Variants in DCP1A observed in about 807,000 individuals in gnomAD.
The protein encoded by DCP1A is mRNA-decapping enzyme 1A.
DCP1A carries 20 observed loss-of-function variants against 58.0 expected under a neutral mutation model. That is an observed-to-expected ratio of 0.34 (90% confidence interval 0.24 to 0.50). The LOEUF (loss-of-function observed/expected upper bound fraction) is 0.50, where lower values mean the gene tolerates loss of function less well. Ranked by LOEUF, DCP1A falls within the 20% of genes least tolerant of loss-of-function variation. DCP1A has a pLI of 0.98. For missense variants in DCP1A, 613 were observed against 712.2 expected (o/e 0.86, Z 1.59); for synonymous variants, 285 against 275.1 (o/e 1.04, Z -0.36).
At chr3:53,303,503 C>T (rs935383624) in intron 6 of DCP1A, among the ~76,000 whole-genome samples, 26 of 152,042 alleles carry the variant, frequency 1.7e-4, no homozygotes, top group African/African-American at 5.1e-4. Flanking sequence ...TGGGCTCAAG[C>T]GATCTGCCTG....
chr3:53,312,287 A>T lies in DCP1A; in HGVS notation c.464T>A (p.Ile155Asn), dbSNP rs1707668033. ...QANGCSDHRPIDILEMLSRAK... is the reference protein window; with the variant it reads ...QANGCSDHRPNDILEMLSRAK... ...TCTGCTCAGCATCTCCAGGATGTCG[A>T]TGGGCCTGTGGTCGCTGCAGCCATT... The change falls in exon 5 of 10, where the codon ATC becomes AAC. Residue 155 changes from isoleucine to asparagine, a missense_variant. Around this residue, in one of 3 missense-constraint regions of DCP1A, gnomAD observed 498 missense variants for 556.7 expected, o/e 0.89. Transcript: ENST00000610213. The T allele has an allele frequency of 6.2e-7, 1 of 1,612,996 alleles. No homozygotes were observed. Among genetic ancestry groups the T allele is most frequent in the Non-Finnish European group, 8.5e-7 (1 of 1,179,630 alleles).
At position 53,287,342 on chromosome 3, in the gene DCP1A, CTTTTTTTTTTTTT is replaced by C. The variant is rs35716152; in HGVS notation, c.*225_*237del. On this transcript the variant is annotated 3_prime_UTR_variant, in exon 10 of 10. Transcript: ENST00000610213. ...CATAACTTAACACAATGATCGCTCT[CTTTTTTTTTTTTT>C]TTTTTTTTTTTTTTGTCAAAACAAG... The C allele has an allele frequency of 4.3e-4, 72 of 166,778 alleles. 1 individual carries two copies. Among genetic ancestry groups the C allele is most frequent in the African/African-American group, 1.7e-3 (40 of 22,926 alleles). The allele number at this position is 166,778 out of a possible 1,614,324, so 10.3% of individuals were successfully genotyped here.
At position 53,312,703 on chromosome 3, in the gene DCP1A, C is replaced by A. The variant is rs558030534; in HGVS notation, c.372-324G>T. Among the ~76,000 whole-genome samples the A allele has an allele frequency of 1.1e-4, 16 of 152,098 alleles. No homozygotes were observed. The South Asian group carries it at 3.3e-3, about 32-fold the overall frequency. ...TAGAGATGGGGTTTCACCGTGTTAG[C>A]CAGGATGGTCTCAATCTCCTGACCT... On this transcript the variant is annotated intron_variant, in intron 4 of 9. Coordinates refer to ENST00000610213, the MANE Select transcript of DCP1A (RefSeq NM_018403.7).
intron 4 of DCP1A, among the ~76,000 whole-genome samples, chr3:53,319,190 A>G (rs2106849917): frequency 6.6e-6 from 1 of 152,300 alleles, no homozygotes; most frequent in South Asian, 2.1e-4. Context: ...ATACACAAAG[A>G]AGGAAGACTG....
rs553751413 is a variant in DCP1A, at chr3:53,341,865, C to T, written c.304+279G>A. On this transcript the variant is annotated intron_variant, in intron 3 of 9. Transcript: ENST00000610213. ...TTTTTTTCTGTATTTTTAGTAGATACGGGGTTTCACCATGTTGGCCTGGCT... is the reference window on the plus strand; with the variant it reads ...TTTTTTTCTGTATTTTTAGTAGATATGGGGTTTCACCATGTTGGCCTGGCT... 2.0e-3 allele frequency among the ~76,000 whole-genome samples: 302 copies of T among 152,120 alleles called. 2 individuals carry two copies. Among genetic ancestry groups the T allele is most frequent in the South Asian group, 5.0e-3 (24 of 4,816 alleles).
chr3:53,306,931 C>CT (rs1159787111), intron 5 of DCP1A, among the ~76,000 whole-genome samples: 2,944 of 101,634 alleles, frequency 0.029, 137 homozygotes, highest in Non-Finnish European at 0.037. Flanking sequence ...CCAGGCTGTT[C>CT]TTTTTTTTTT....
chr3:53,313,520 A>G (rs1041220577), intron 4 of DCP1A, among the ~76,000 whole-genome samples: 1 of 148,270 alleles, frequency 6.7e-6, no homozygotes, highest in African/African-American at 2.4e-5. Flanking sequence ...AATATTAGGA[A>G]CTGAAAGCTG....
intron 4 of DCP1A, among the ~76,000 whole-genome samples, chr3:53,315,037 G>A (rs1200023321): frequency 6.6e-6 from 1 of 152,060 alleles, no homozygotes; most frequent in African/African-American, 2.4e-5. Flanking sequence ...GGTAATGGAA[G>A]GGACTCTCAC....
chr3:53,292,798 C>T lies in DCP1A; in HGVS notation c.654G>A (p.Thr218=), dbSNP rs373006464. Reference sequence around the variant, plus strand: ...AAGAGGTTCCAAATAACTCTTCTACCGTCAGATGCTTGTGTCCAGATGGAG... The same window carrying T: ...AAGAGGTTCCAAATAACTCTTCTACTGTCAGATGCTTGTGTCCAGATGGAG... ...KSAPSGHKHL[T]VEELFGTSLP... is the part of the protein sequence containing the mutation. The change falls in exon 7 of 10, where the codon ACG becomes ACA. Residue 218 remains threonine, a synonymous_variant. Coordinates refer to ENST00000610213, the MANE Select transcript of DCP1A (RefSeq NM_018403.7). The T allele has an allele frequency of 5.6e-6, 9 of 1,609,852 alleles. No homozygotes were observed. Among genetic ancestry groups the T allele is most frequent in the African/African-American group, 2.7e-5 (2 of 74,884 alleles).
intron 6 of DCP1A, among the ~76,000 whole-genome samples, chr3:53,302,735 T>C (rs1707349989): frequency 6.6e-6 from 1 of 151,942 alleles, no homozygotes; most frequent in African/African-American, 2.4e-5. Context: ...CAATTTCTCC[T>C]ACCTCAGCTT....
chr3:53,299,379 T>C (rs571621003), intron 6 of DCP1A, among the ~76,000 whole-genome samples: 31 of 152,344 alleles, frequency 2.0e-4, no homozygotes, highest in African/African-American at 7.0e-4. Context: ...ATACTTCATG[T>C]AGATCAAGTG....
At chr3:53,332,198 T>C (rs2106877688) in intron 3 of DCP1A, among the ~76,000 whole-genome samples, 1 of 152,304 alleles carries the variant, frequency 6.6e-6, no homozygotes, top group Non-Finnish European at 1.5e-5. Context: ...GGTCTCCACA[T>C]GGAGAACTAA....
chr3:53,341,713 T>C (rs546636173), intron 3 of DCP1A, among the ~76,000 whole-genome samples: 2 of 152,280 alleles, frequency 1.3e-5, no homozygotes, highest in South Asian at 2.1e-4. Flanking sequence ...GTTTATTTAT[T>C]TATTTTTTTG....
In DCP1A at chr3:53,320,786, G is replaced by A. The variant is rs182767786; in HGVS notation, c.305-1313C>T. Reference sequence around the variant, plus strand: ...AATCCACCTTGCTCTGGCCCCTCCCGTCCCTGACTCTTGGCAAATAGGAAC... The same window carrying A: ...AATCCACCTTGCTCTGGCCCCTCCCATCCCTGACTCTTGGCAAATAGGAAC... On this transcript the variant is annotated intron_variant, in intron 3 of 9. Coordinates refer to ENST00000610213, the MANE Select transcript of DCP1A (RefSeq NM_018403.7). Among the ~76,000 whole-genome samples the A allele has an allele frequency of 1.3e-3, 201 of 152,168 alleles. 2 individuals carry two copies. The highest frequency in any genetic ancestry group is 0.012 in the Admixed American group (182 of 15,272).
At chr3:53,329,358 C>T (rs568919741) in intron 3 of DCP1A, 94 of 398,478 alleles carry the variant, frequency 2.4e-4, no homozygotes, top group African/African-American at 1.7e-3. Context: ...ATTAAAAGCA[C>T]TATGTATCAA....
intron 4 of DCP1A, among the ~76,000 whole-genome samples, chr3:53,314,667 CTTTTTTTTTTTTTTT>C (rs1167830951): frequency 2.3e-5 from 2 of 86,722 alleles, no homozygotes; most frequent in Non-Finnish European, 4.3e-5. Context: ...TTTTCTTTTT[CTTTTTTTTTTTTTTT>C]TTTTTTTGAG....
chr3:53,328,697 G>A (rs1219222088), intron 3 of DCP1A, among the ~76,000 whole-genome samples: 8 of 152,216 alleles, frequency 5.3e-5, no homozygotes, highest in African/African-American at 1.2e-4. Context: ...ACTAAGCAGC[G>A]CCTACAATGA....
intron 3 of DCP1A, among the ~76,000 whole-genome samples, chr3:53,328,554 G>A (rs1321447244): frequency 2.6e-5 from 4 of 151,748 alleles, no homozygotes; most frequent in Non-Finnish European, 5.9e-5. Context: ...GCTTTTATCT[G>A]ACAACACTAC....
rs61290855 is a variant in DCP1A at position 53,290,749 on chromosome 3, TAAAAAAAAAAAA to T, written c.1449+30_1449+41del. On this transcript the variant is annotated intron_variant, in intron 8 of 9. Coordinates refer to ENST00000610213, the MANE Select transcript of DCP1A (RefSeq NM_018403.7). Reference sequence around the variant, plus strand: ...TCTCACTATGGCACCCGACTAGTCTTAAAAAAAAAAAAAAAAAAAAAAAAAAAAAGCGAGTCC... The same window carrying T: ...TCTCACTATGGCACCCGACTAGTCTTAAAAAAAAAAAAAAAAAGCGAGTCC... 133 of 682,786 alleles carry T rather than the reference TAAAAAAAAAAAA, an allele frequency of 1.9e-4. No homozygotes were observed. In the East Asian group the frequency reaches 4.8e-3, roughly 24 times the overall value. The allele number at this position is 682,786 out of a possible 1,614,324, so 42.3% of individuals were successfully genotyped here.
Sources: allele counts gnomAD v4.1 joint callset (sites outside exome capture counted in the v4.1 genomes callset), GRCh38; gene constraint gnomAD v4.1.1; regional missense constraint gnomAD v4.1.1; transcripts MANE v1.5; gene names NCBI Gene and HGNC (gene_info 2026-07-23, HGNC 2026-07-21).